The following SMG5 variants were observed in gnomAD, a reference collection of about 807,000 sequenced individuals.
SMG5 encodes SMG5 nonsense mediated mRNA decay factor.
SMG5 carries 53 observed loss-of-function variants against 122.9 expected under a neutral mutation model. The ratio of observed to expected loss-of-function variants is 0.43; its 90% CI spans 0.35 to 0.54. The LOEUF is 0.54. SMG5 is among the 20% of genes least tolerant of loss of function. SMG5 has a pLI of 0.01. For missense variants in SMG5, 1,153 were observed against 1,285.6 expected (o/e 0.90, Z 1.58); for synonymous variants, 477 against 490.2 (o/e 0.97, Z 0.35).
rs765500118 is a variant in SMG5, at chr1:156,282,646, T to G, written c.35A>C (p.Glu12Ala). 8.7e-6 allele frequency: 14 copies of G among 1,608,130 alleles called. No homozygotes were observed. Among genetic ancestry groups the G allele is most frequent in the Admixed American group, 3.3e-5 (2 of 59,954 alleles). Residue 12 changes from glutamate to alanine, a missense_variant, in exon 1 of 22, where the codon GAG (glutamate) becomes GCG (alanine). Coordinates refer to ENST00000361813, the MANE Select transcript of SMG5 (RefSeq NM_015327.3). ...AGTGTGGAGGACTTTTGCTTCGGGC[T>G]CGCTGCTCTCCCCTGTGGGGGGGCC... Reference protein sequence around the residue: ...SQGPPTGESSEPEAKVLHTKR... With the variant: ...SQGPPTGESSAPEAKVLHTKR...
At chr1:156,261,995 G>A (rs146328177) in intron 13 of SMG5, among the ~76,000 whole-genome samples, 105 of 152,056 alleles carry the variant, frequency 6.9e-4, no homozygotes, top group Admixed American at 2.0e-3. Context: ...CCAGGAGGTC[G>A]AGGCTGCAGT....
Position 156,266,041 on chromosome 1 carries a change from T to C in SMG5, c.1595A>G (p.Glu532Gly). Reference protein sequence around the residue: ...RSDLEDMEEEEGTRSPTLEPP... With the variant: ...RSDLEDMEEEGGTRSPTLEPP... ...CTCCAGGGTTGGTGACCGTGTCCCC[T>C]CCTCTTCCTCCATATCTTCCAAGTC... is the stretch of plus-strand genomic sequence containing the variant. Residue 532 changes from glutamate to glycine, a missense_variant, in exon 12 of 22, where the codon GAG (glutamate) becomes GGG (glycine). Glu to Gly is a moderately conservative substitution (Grantham distance 98). Coordinates refer to ENST00000361813, the MANE Select transcript of SMG5 (RefSeq NM_015327.3). 1 of 1,614,192 alleles carries C rather than the reference T, an allele frequency of 6.2e-7. No individual in the cohort carries two copies. Among genetic ancestry groups the C allele is most frequent in the Non-Finnish European group, 8.5e-7 (1 of 1,180,034 alleles).
At chr1:156,277,589 C>T (rs1267168270) in intron 3 of SMG5, among the ~76,000 whole-genome samples, 1 of 148,354 alleles carries the variant, frequency 6.7e-6, no homozygotes, top group Non-Finnish European at 1.5e-5. Context: ...CTCAGCTCAT[C>T]GCAACCTCTG....
At position 156,279,018 on chromosome 1, in the gene SMG5, C is replaced by G; in HGVS notation, c.91G>C (p.Val31Leu). Residue 31 changes from valine (V) to leucine (L), a missense_variant, in exon 2 of 22, where the codon GTG (valine) becomes CTG (leucine). This residue lies in a region of SMG5 where 213 missense variants were observed against 197.5 expected (regional missense o/e 1.08). Transcript: ENST00000361813. ...KRLYRAVVEA[V>L]HRLDLILCNK... Reference sequence around the variant, plus strand: ...CAAAGGATGAGGTCAAGTCGATGCACAGCCTCCACCACAGCCCTGTAGGGA... The same window carrying G: ...CAAAGGATGAGGTCAAGTCGATGCAGAGCCTCCACCACAGCCCTGTAGGGA... The G allele has an allele frequency of 8.1e-6, 13 of 1,614,128 alleles. No homozygotes were observed. The highest frequency in any genetic ancestry group is 1.1e-5 in the Non-Finnish European group (13 of 1,179,986).
intron 5 of SMG5, among the ~76,000 whole-genome samples, chr1:156,273,724 T>C (rs945792563): frequency 4.1e-4 from 60 of 147,350 alleles, no homozygotes; most frequent in African/African-American, 8.5e-4. Flanking sequence ...TTTTCTTTTT[T>C]TTTTTTTTTT....
chr1:156,259,647 G>A (rs974721919), intron 15 of SMG5, among the ~76,000 whole-genome samples: 1 of 151,848 alleles, frequency 6.6e-6, no homozygotes, highest in Admixed American at 6.6e-5. Flanking sequence ...CTCCTGCCTC[G>A]GCCCCCAAGT....
Position 156,250,956 on chromosome 1 carries a change from G to C in SMG5, c.2869C>G (p.Leu957Val), listed in dbSNP as rs1466728270. 1 of 1,614,080 alleles carries C rather than the reference G, an allele frequency of 6.2e-7. No homozygotes were observed. The highest frequency in any genetic ancestry group is 1.1e-5 in the South Asian group (1 of 91,080). ...TCCTCCTCACCTGCCCCCTGGGCCA[G>C]AGTCAGCTGTTTGCAGCTGTCTAGG... ...KILDSCKQLT[L>V]AQGAGEEDPS... Residue 957 changes from leucine to valine, a missense_variant, in exon 21 of 22, where the codon CTG becomes GTG. Leu to Val is a conservative substitution (Grantham distance 32). Around this residue, in one of 5 missense-constraint regions of SMG5, gnomAD observed 84 missense variants for 82.3 expected, o/e 1.02. Transcript: ENST00000361813.
intron 7 of SMG5, among the ~76,000 whole-genome samples, chr1:156,270,447 C>T (rs556889331): frequency 7.9e-4 from 121 of 152,316 alleles, no homozygotes; most frequent in Non-Finnish European, 1.4e-3. Context: ...TTAGACCTTC[C>T]GATCAGCTGA....
Position 156,267,610 on chromosome 1 carries a change from T to C in SMG5, c.977A>G (p.Tyr326Cys), listed in dbSNP as rs372597884. ...GCTGAGGTTGGGTGAGGAGGGCAGGTAGAAGAGGCAGAGGTTGAAGTCCTC... is the reference window on the plus strand; with the variant it reads ...GCTGAGGTTGGGTGAGGAGGGCAGGCAGAAGAGGCAGAGGTTGAAGTCCTC... ...VLEDFNLCLFYLPSSPNLSLA... is the reference protein window; with the variant it reads ...VLEDFNLCLFCLPSSPNLSLA... The change falls in exon 10 of 22, where the codon TAC becomes TGC. Residue 326 changes from tyrosine (Y) to cysteine (C), a missense_variant. By Grantham distance (194) the Tyr-to-Cys change is radical. Around this residue, in one of 5 missense-constraint regions of SMG5, gnomAD observed 631 missense variants for 650.6 expected, o/e 0.97. Coordinates refer to ENST00000361813, the MANE Select transcript of SMG5 (RefSeq NM_015327.3). 6.2e-7 allele frequency: 1 copy of C among 1,613,596 alleles called. No individual in the cohort carries two copies. Among genetic ancestry groups the C allele is most frequent in the Non-Finnish European group, 8.5e-7 (1 of 1,179,888 alleles).
At chr1:156,259,428 A>G (rs1661719244) in intron 15 of SMG5, among the ~76,000 whole-genome samples, 1 of 152,216 alleles carries the variant, frequency 6.6e-6, no homozygotes, top group Non-Finnish European at 1.5e-5. Flanking sequence ...AAGAAACAAG[A>G]GCAAAGGACA....
At chr1:156,287,442 A>T (rs190874884), upstream of SMG5, among the ~76,000 whole-genome samples, 36 of 151,908 alleles carry the variant, frequency 2.4e-4, no homozygotes, top group African/African-American at 6.0e-4. Context: ...AATTAAAATT[A>T]AAAAAATATA....
Position 156,250,551 on chromosome 1 carries a change from T to C in SMG5, c.*36A>G, listed in dbSNP as rs772984689. ...GCTGCCAGGGAGGGCAGGAGAGATC[T>C]GGAGTCAGCCCCACTGCAGGGCCTG... On this transcript the variant is annotated 3_prime_UTR_variant, in exon 22 of 22. Coordinates refer to ENST00000361813, the MANE Select transcript of SMG5 (RefSeq NM_015327.3). 84 of 1,581,636 alleles carry C rather than the reference T, an allele frequency of 5.3e-5. No individual in the cohort carries two copies. The highest frequency in any genetic ancestry group is 8.3e-5 in the Admixed American group (5 of 59,964).
At chr1:156,286,203 C>T (rs1663154889), upstream of SMG5, 3 of 1,560,720 alleles carry the variant, frequency 1.9e-6, no homozygotes, top group East Asian at 4.5e-5. Context: ...AGCTTACTGC[C>T]TCTTGTGCCC....
Position 156,250,146 on chromosome 1 carries a change from A to C in SMG5, c.*441T>G, listed in dbSNP as rs1661279541. 2.8e-6 allele frequency: 1 copy of C among 356,432 alleles called. No homozygotes were observed. 22.1% of individuals were successfully genotyped at this position (356,432 alleles called of 1,614,324 possible). On this transcript the variant is annotated 3_prime_UTR_variant, in exon 22 of 22. Coordinates refer to ENST00000361813, the MANE Select transcript of SMG5 (RefSeq NM_015327.3). ...GAGAATCACTCAGACACCAGGTATT[A>C]CCCAGCTCTTCCCCCAAGACCTAGA...
intron 15 of SMG5, 21 bp from the exon 16 acceptor site, chr1:156,259,184 C>G (rs1316685715): frequency 1.9e-6 from 3 of 1,546,234 alleles, no homozygotes; most frequent in Non-Finnish European, 2.6e-6. Flanking sequence ...ATACAGGAGC[C>G]CAGCGCTGCT....
In SMG5 at chr1:156,253,457, G is replaced by A. The variant is rs1265410601; in HGVS notation, c.2494C>T (p.Arg832Ter). 2 of 1,614,032 alleles carry A rather than the reference G, an allele frequency of 1.2e-6. No individual in the cohort carries two copies. Among genetic ancestry groups the A allele is most frequent in the Non-Finnish European group, 1.7e-6 (2 of 1,179,996 alleles). The change falls in exon 17 of 22, where the codon CGA (arginine) becomes TGA (stop). Residue 832 changes from arginine (R) to a stop codon, truncating the protein, a stop_gained. Transcript: ENST00000361813. LOFTEE classifies it high-confidence loss of function. ...GGGTCCTGATTTCCTACCTGAAGTC[G>A]TAGCTGAGCCATGTCTCTCATGAGC... is the stretch of plus-strand genomic sequence containing the variant. ...NRLMRDMAQLRLQLEVSQLEG... is the reference protein window; with the variant it reads ...NRLMRDMAQL
intron 1 of SMG5, among the ~76,000 whole-genome samples, chr1:156,279,452 C>T (rs1457216228): frequency 2.6e-5 from 4 of 152,284 alleles, no homozygotes; most frequent in East Asian, 1.9e-4. Context: ...AAAGAGCACA[C>T]GCTGTGATGC....
At chr1:156,291,172 TAAAG>T in the SMG5 span, 1 of 564,758 alleles carries the variant, frequency 1.8e-6, no homozygotes, top group African/African-American at 1.9e-5. Context: ...CTCAACTTCA[TAAAG>T]ATGTGGGGAA....
chr1:156,259,774 C>G (rs1166557118), intron 15 of SMG5, among the ~76,000 whole-genome samples: 2 of 152,180 alleles, frequency 1.3e-5, no homozygotes, highest in Non-Finnish European at 2.9e-5. Flanking sequence ...AAGCGATCCA[C>G]CTGCCTTGGC....
Sources: gnomAD v4.1 joint callset for allele counts (sites outside exome capture counted in the v4.1 genomes callset) on GRCh38, gnomAD v4.1.1 for gene constraint, gnomAD v4.1.1 regional missense constraint, MANE v1.5 for transcripts, NCBI Gene and HGNC (gene_info 2026-07-23, HGNC 2026-07-21) for gene names.